The following DLGAP5 variants were observed in gnomAD, a reference collection of about 807,000 sequenced individuals.
DLGAP5 encodes the protein DLG associated protein 5.
Under a neutral mutation model 99.6 loss-of-function variants are expected in DLGAP5, and 90 were observed. The observed-to-expected ratio is 0.90, with a 90% CI of 0.76 to 1.08. DLGAP5 has a LOEUF of 1.08. Among genes scored for constraint, DLGAP5 ranks in the 50% least tolerant of loss-of-function variants. The probability of loss-of-function intolerance (pLI) is 0.00; values close to 1 mark genes in which losing one functional copy is unlikely to be tolerated. For synonymous variants in DLGAP5, 311 were observed against 321.3 expected, an observed-to-expected ratio of 0.97 and a Z score of 0.34; for missense variants, 1,036 against 983.5, an observed-to-expected ratio of 1.05 and a Z score of -0.71.
rs977915679 is a variant in DLGAP5, at chr14:55,169,683, A to G, written c.1388-124T>C. ...CTACAGGTTGTTAAGCAAAACAAAA[A>G]ATATCTACCACAAAACTTTGTCATA... On this transcript the variant is annotated intron_variant, in intron 11 of 18. Coordinates refer to ENST00000247191, the MANE Select transcript of DLGAP5 (RefSeq NM_014750.5). 4.2e-6 allele frequency: 3 copies of G among 714,030 alleles called. No individual in the cohort carries two copies. In the African/African-American group the frequency reaches 5.5e-5, roughly 13 times the overall value. 44.2% of individuals were successfully genotyped at this position (714,030 alleles called of 1,614,324 possible). A position where few individuals can be genotyped will look rare whatever the true frequency, so the allele number is the denominator to read the frequency against.
In DLGAP5 at chr14:55,183,755, T is replaced by A; in HGVS notation, c.239-2A>T. The A allele has an allele frequency of 1.3e-6, 2 of 1,561,352 alleles. No homozygotes were observed. Among genetic ancestry groups the A allele is most frequent in the Admixed American group, 2.2e-5 (1 of 46,330 alleles). On this transcript the variant is annotated splice_acceptor_variant, in intron 2 of 18. Coordinates refer to ENST00000247191, the MANE Select transcript of DLGAP5 (RefSeq NM_014750.5). LOFTEE classifies it high-confidence loss of function. ...CACCTAGAATAGTTTTCATTGCCCCTAGGCAGAAAAAAAACCAAAACCACA... is the reference window on the plus strand; with the variant it reads ...CACCTAGAATAGTTTTCATTGCCCCAAGGCAGAAAAAAAACCAAAACCACA...
At chr14:55,181,430 C>A in intron 4 of DLGAP5, 133 bp from the exon 5 acceptor site, 1 of 607,322 alleles carries the variant, frequency 1.6e-6, no homozygotes, top group Non-Finnish European at 2.7e-6. Context: ...CAAAAAACTA[C>A]CCCAAATAAA....
At chr14:55,153,861 T>C (rs1276901293) in intron 15 of DLGAP5, among the ~76,000 whole-genome samples, 1 of 151,980 alleles carries the variant, frequency 6.6e-6, no homozygotes, top group Non-Finnish European at 1.5e-5. Context: ...ATCAAGACCA[T>C]CCTGGCCAAC....
At chr14:55,148,711 G>A (rs765697423) in intron 18 of DLGAP5, 59 of 662,336 alleles carry the variant, frequency 8.9e-5, no homozygotes, top group South Asian at 7.6e-4. Context: ...CAAGAAACAC[G>A]TAAACATTTT....
chr14:55,164,070 C>A (rs1202171516), intron 12 of DLGAP5, among the ~76,000 whole-genome samples: 1 of 152,120 alleles, frequency 6.6e-6, no homozygotes, highest in Non-Finnish European at 1.5e-5. Context: ...TACTTCCAGT[C>A]TCCTACGAAG....
chr14:55,155,226 T>G (rs992606003), intron 14 of DLGAP5, among the ~76,000 whole-genome samples: 1 of 151,290 alleles, frequency 6.6e-6, no homozygotes, highest in African/African-American at 2.4e-5. Context: ...GGTTTCACCA[T>G]GTTGGCCAGG....
chr14:55,165,344 A>C (rs1172078601), intron 12 of DLGAP5, among the ~76,000 whole-genome samples: 2 of 152,046 alleles, frequency 1.3e-5, no homozygotes, highest in African/African-American at 4.8e-5. Flanking sequence ...TAACATGATG[A>C]CACCCCACCT....
chr14:55,152,897 G>A (rs1882067833), intron 15 of DLGAP5, among the ~76,000 whole-genome samples: 1 of 152,176 alleles, frequency 6.6e-6, no homozygotes, highest in Admixed American at 6.5e-5. Flanking sequence ...GTCAGGGTCA[G>A]GTGGCTCTAC....
intron 12 of DLGAP5, among the ~76,000 whole-genome samples, chr14:55,166,542 C>T (rs539839684): frequency 6.6e-6 from 1 of 152,004 alleles, no homozygotes; most frequent in East Asian, 1.9e-4. Flanking sequence ...CCAGCCTGAC[C>T]AACATGGTGA....
At chr14:55,166,858 C>A (rs1882661029) in intron 12 of DLGAP5, among the ~76,000 whole-genome samples, 1 of 151,186 alleles carries the variant, frequency 6.6e-6, no homozygotes, top group Non-Finnish European at 1.5e-5. Flanking sequence ...TAAATTATAC[C>A]TCATATAGCT....
Position 55,154,668 on chromosome 14 carries a change from G to A in DLGAP5, c.2012C>T (p.Thr671Met), listed in dbSNP as rs573867710. The part of the protein sequence containing the change: ...TSPENAGPQN[T>M]KSEHVKKTLF... ...AGTCTTCTTCACATGTTCACTTTTCGTATTCTGAGGACCGGCATTTTCTGG... is the reference window on the plus strand; with the variant it reads ...AGTCTTCTTCACATGTTCACTTTTCATATTCTGAGGACCGGCATTTTCTGG... Residue 671 changes from threonine to methionine, a missense_variant, in exon 15 of 19, where the codon ACG becomes ATG. Transcript: ENST00000247191. The A allele has an allele frequency of 1.3e-5, 21 of 1,613,932 alleles. No homozygotes were observed. The highest frequency in any genetic ancestry group is 8.0e-5 in the African/African-American group (6 of 74,898).
intron 9 of DLGAP5, among the ~76,000 whole-genome samples, 190 bp downstream of exon 9, chr14:55,175,703 CT>C: frequency 6.6e-6 from 1 of 152,128 alleles, no homozygotes; most frequent in Middle Eastern, 3.4e-3. Context: ...CTTCAGATAT[CT>C]TTACCCATGC....
At chr14:55,159,488 TA>T (rs536344183) in intron 13 of DLGAP5, among the ~76,000 whole-genome samples, 1 of 152,194 alleles carries the variant, frequency 6.6e-6, no homozygotes, top group Non-Finnish European at 1.5e-5. Flanking sequence ...TGAGAGGACT[TA>T]CTCATCTATT....
chr14:55,152,556 C>T (rs1882054461), intron 16 of DLGAP5, 34 bp downstream of exon 16: 2 of 1,529,300 alleles, frequency 1.3e-6, no homozygotes, highest in South Asian at 1.2e-5. Flanking sequence ...ATATGACATA[C>T]TGGGCTATCT....
chr14:55,173,575 T>C (rs987358318), intron 10 of DLGAP5, among the ~76,000 whole-genome samples: 4 of 147,190 alleles, frequency 2.7e-5, no homozygotes, highest in African/African-American at 1.1e-4. Flanking sequence ...TCTCTCTCTA[T>C]AGATATATGT....
chr14:55,187,411 T>TG (rs1360925456), intron 2 of DLGAP5, among the ~76,000 whole-genome samples: 1 of 149,744 alleles, frequency 6.7e-6, no homozygotes, highest in Non-Finnish European at 1.5e-5. Flanking sequence ...GTCCACCTCC[T>TG]GGGTTCAAGC....
chr14:55,172,489 A>G (rs1882895375), intron 10 of DLGAP5, among the ~76,000 whole-genome samples: 1 of 152,090 alleles, frequency 6.6e-6, no homozygotes, highest in Non-Finnish European at 1.5e-5. Flanking sequence ...TTTAAATACA[A>G]AATTCTTACG....
At chr14:55,153,729 A>C (rs1214574315) in intron 15 of DLGAP5, among the ~76,000 whole-genome samples, 1 of 152,058 alleles carries the variant, frequency 6.6e-6, no homozygotes. Context: ...AAATGCAATT[A>C]TGAATCTTCT....
chr14:55,158,830 T>A, intron 13 of DLGAP5, 89 bp from the exon 14 acceptor site: 1 of 893,958 alleles, frequency 1.1e-6, no homozygotes, highest in Non-Finnish European at 1.7e-6. Context: ...CTTAAAAATT[T>A]AATTTTTAAA....
Sources: allele counts gnomAD v4.1 joint callset (sites outside exome capture counted in the v4.1 genomes callset), GRCh38; gene constraint gnomAD v4.1.1; transcripts MANE v1.5; gene names NCBI Gene and HGNC (gene_info 2026-07-23, HGNC 2026-07-21).